Variants in FAT4 observed in about 807,000 individuals in gnomAD.
FAT4 encodes FAT atypical cadherin 4.
FAT4 carries 84 observed loss-of-function variants against 303.9 expected under a neutral mutation model. The ratio of observed to expected loss-of-function variants is 0.28; its 90% CI spans 0.23 to 0.33. FAT4 has a LOEUF of 0.33. Among genes scored for constraint, FAT4 ranks in the 10% least tolerant of loss-of-function variants. The pLI is 1.00. For synonymous variants in FAT4, 2,307 were observed against 2,298.8 expected (o/e 1.00, Z -0.10); for missense variants, 6,005 against 6,146.8 (o/e 0.98, Z 0.77).
Position 125,317,109 on chromosome 4 carries a change from A to G in FAT4, c.698A>G (p.Tyr233Cys), listed in dbSNP as rs756400976. Residue 233 changes from tyrosine to cysteine, a missense_variant, in exon 2 of 18, where the codon TAC becomes TGC. By Grantham distance (194) the Tyr-to-Cys change is radical. Coordinates refer to ENST00000394329, the MANE Select transcript of FAT4 (RefSeq NM_001291303.3). This position sits in a 1 kb window ranked among gnomAD's most constrained non-coding sequence, Gnocchi z 7.0. ...AAGGGTGAGCCTAAGCGGCGGGGCT[A>G]CCTTCAGGTAAACGTGACTGTGCAA... ...EDKGEPKRRG[Y>C]LQVNVTVQDI... 6.2e-7 allele frequency: 1 copy of G among 1,613,780 alleles called. No individual in the cohort carries two copies. Among genetic ancestry groups the G allele is most frequent in the Non-Finnish European group, 8.5e-7 (1 of 1,180,028 alleles).
chr4:125,408,406 T>C, intron 4 of FAT4, 38 bp from the exon 5 acceptor site: 1 of 1,348,256 alleles, frequency 7.4e-7, no homozygotes, highest in Non-Finnish European at 1.0e-6. Context: ...TACTTCTTAC[T>C]TCCTTGATTT....
rs932202974 is a variant in FAT4, at chr4:125,315,652, G to GGGCGGC, written c.-325_-320dup. ...GACCACGGGCTTGAAGCCGCAACAG[G>GGGCGGC]GGCGGCGGCGGCGGCGGCTGCAGGA... On this transcript the variant is annotated 5_prime_UTR_variant, in exon 1 of 18. Transcript: ENST00000394329. 1.3e-5 allele frequency among the ~76,000 whole-genome samples: 2 copies of GGGCGGC among 152,146 alleles called. No homozygotes were observed. The highest frequency in any genetic ancestry group is 2.9e-5 in the Non-Finnish European group (2 of 68,026).
Position 125,446,398 on chromosome 4 carries a change from G to T in FAT4, c.7305G>T (p.Leu2435Phe), listed in dbSNP as rs770661467. 8 of 1,613,478 alleles carry T rather than the reference G, an allele frequency of 5.0e-6. 1 individual carries two copies. The South Asian group carries it at 8.8e-5, about 18-fold the overall frequency. ...GGGAAACAAAAGATAATTATACTTT[G>T]GTAGTGGTCTGCAGTGATGCGGGAT... ...LDRETKDNYT[L>F]VVVCSDAGSP... is the part of the protein sequence containing the mutation. The change falls in exon 9 of 18, where the codon TTG becomes TTT. Residue 2435 changes from leucine (L) to phenylalanine (F), a missense_variant. Physicochemically the swap from Leu to Phe is conservative, Grantham distance 22. Transcript: ENST00000394329.
At position 125,449,555 on chromosome 4, in the gene FAT4, G is replaced by A. The variant is rs181821271; in HGVS notation, c.8545G>A (p.Ala2849Thr). Residue 2849 changes from alanine (A) to threonine (T), a missense_variant, in exon 10 of 18, where the codon GCA becomes ACA. Ala to Thr is a moderately conservative substitution (Grantham distance 58, BLOSUM62 0). Transcript: ENST00000394329. ...AGACCGTTACAGAATTCGAGTTTCC[G>A]CACATGATTCTGGGTGGACTGTAAG... ...DTDRYRIRVS[A>T]HDSGWTVSTD... 10 of 1,613,200 alleles carry A rather than the reference G, an allele frequency of 6.2e-6. No individual in the cohort carries two copies. Among genetic ancestry groups the A allele is most frequent in the South Asian group, 4.4e-5 (4 of 91,036 alleles).
At position 125,452,491 on chromosome 4, in the gene FAT4, C is replaced by G; in HGVS notation, c.11481C>G (p.Ser3827=). 1 of 1,613,886 alleles carries G rather than the reference C, an allele frequency of 6.2e-7. No individual in the cohort carries two copies. Among genetic ancestry groups the G allele is most frequent in the Non-Finnish European group, 8.5e-7 (1 of 1,180,030 alleles). Residue 3827 remains serine (S), a synonymous_variant, in exon 10 of 18, where the codon TCC becomes TCG. Coordinates refer to ENST00000394329, the MANE Select transcript of FAT4 (RefSeq NM_001291303.3). The part of the protein sequence containing the change: ...GSCLRRLAVS[S]VLKSRESLPV... ...GTCTACGAAGATTGGCTGTGAGCTC[C>G]GTATTAAAAAGCCGTGAGAGTCTTC...
chr4:125,318,050 C>T lies in FAT4; in HGVS notation c.1639C>T (p.Gln547Ter). ...GGGCCTGGACCGTGAACTTGCTTCC[C>T]AGATTGTTCTGAATATAAGTGCCCG... ...SGGLDRELAS[Q>*]IVLNISARDQ... is the part of the protein sequence containing the mutation. The change falls in exon 2 of 18, where the codon CAG becomes TAG. Residue 547 changes from glutamine to a stop codon, truncating the protein, a stop_gained. Transcript: ENST00000394329. LOFTEE classifies it high-confidence loss of function. 6.2e-7 allele frequency: 1 copy of T among 1,614,148 alleles called. No individual in the cohort carries two copies. Among genetic ancestry groups the T allele is most frequent in the Non-Finnish European group, 8.5e-7 (1 of 1,180,030 alleles).
intron 8 of FAT4, among the ~76,000 whole-genome samples, chr4:125,442,821 C>T (rs956266277): frequency 1.3e-4 from 19 of 151,956 alleles, no homozygotes; most frequent in Admixed American, 2.0e-4. Context: ...TAGACTATTA[C>T]GTTATACATA....
chr4:125,392,209 C>T (rs1734000090), intron 2 of FAT4, among the ~76,000 whole-genome samples: 1 of 152,046 alleles, frequency 6.6e-6, no homozygotes, highest in Non-Finnish European at 1.5e-5. Context: ...ATCTTAATAT[C>T]TTTAGAGATA....
At chr4:125,381,947 C>A in intron 2 of FAT4, among the ~76,000 whole-genome samples, 1 of 152,200 alleles carries the variant, frequency 6.6e-6, no homozygotes, top group East Asian at 1.9e-4. Context: ...ACTTTCTTTG[C>A]TAATCCATAA....
At position 125,491,468 on chromosome 4, in the gene FAT4, T is replaced by A; in HGVS notation, c.14652T>A (p.Asp4884Glu). The change falls in exon 18 of 18, where the codon GAT (aspartate) becomes GAA (glutamate). Residue 4884 changes from aspartate (D) to glutamate (E), a missense_variant. Coordinates refer to ENST00000394329, the MANE Select transcript of FAT4 (RefSeq NM_001291303.3). ...QVNESDADDE[D>E]NYGARLKPRR... ...ATGAATCTGATGCAGATGATGAAGA[T>A]AATTATGGAGCCAGACTGAAGCCTC... The A allele has an allele frequency of 6.2e-7, 1 of 1,614,140 alleles. No individual in the cohort carries two copies. Among genetic ancestry groups the A allele is most frequent in the Non-Finnish European group, 8.5e-7 (1 of 1,180,030 alleles).
chr4:125,330,596 G>C (rs190832129), intron 2 of FAT4, among the ~76,000 whole-genome samples: 23 of 152,264 alleles, frequency 1.5e-4, no homozygotes, highest in African/African-American at 5.5e-4. Context: ...TAATTTCTAC[G>C]AGGGCAGATA....
chr4:125,434,112 T>C, intron 7 of FAT4, 133 bp from the exon 8 acceptor site: 1 of 705,352 alleles, frequency 1.4e-6, no homozygotes, highest in Non-Finnish European at 2.3e-6. Context: ...AATCACTCAA[T>C]CACTTATGTG....
chr4:125,485,807 C>T (rs756929546), intron 16 of FAT4, among the ~76,000 whole-genome samples: 3 of 152,232 alleles, frequency 2.0e-5, no homozygotes, highest in African/African-American at 7.2e-5. Context: ...CCTGTATCCC[C>T]GCAATGAGTA....
Position 125,451,748 on chromosome 4 carries a change from G to A in FAT4, c.10738G>A (p.Ala3580Thr). 1 of 1,614,176 alleles carries A rather than the reference G, an allele frequency of 6.2e-7. No individual in the cohort carries two copies. Among genetic ancestry groups the A allele is most frequent in the Non-Finnish European group, 8.5e-7 (1 of 1,180,030 alleles). Residue 3580 changes from alanine to threonine, a missense_variant, in exon 10 of 18, where the codon GCA (alanine) becomes ACA (threonine). Coordinates refer to ENST00000394329, the MANE Select transcript of FAT4 (RefSeq NM_001291303.3). ...TTREIDREQI[A>T]DFYLSVVTKD... ...CAGAGAGATTGACAGAGAGCAGATT[G>A]CAGACTTCTATCTGTCTGTGGTTAC...
Position 125,445,432 on chromosome 4 carries a change from G to T in FAT4, c.7200-861G>T, listed in dbSNP as rs977186778. ...AAACATGCAGCCAACTCCAACAAGG[G>T]TATCTATTTGTTGGTATAAAAGAAG... is the stretch of plus-strand genomic sequence containing the variant. On this transcript the variant is annotated intron_variant, in intron 8 of 17. Coordinates refer to ENST00000394329, the MANE Select transcript of FAT4 (RefSeq NM_001291303.3). Among the ~76,000 whole-genome samples, 37 of 152,078 alleles carry T rather than the reference G, an allele frequency of 2.4e-4. No homozygotes were observed. The Middle Eastern group carries it at 0.014, about 56-fold the overall frequency.
rs1230221758 is a variant in FAT4, at chr4:125,356,542, G to GT, written c.5175+34962dup. Among the ~76,000 whole-genome samples, 249 of 98,376 alleles carry GT rather than the reference G, an allele frequency of 2.5e-3. 2 individuals are homozygous for GT. Among genetic ancestry groups the GT allele is most frequent in the African/African-American group, 8.2e-3 (223 of 27,200 alleles). The allele number at this position is 98,376 out of a possible 152,430, so 64.5% of individuals were successfully genotyped here. A position where few individuals can be genotyped will look rare whatever the true frequency, so the allele number is the denominator to read the frequency against. ...TAAATTTGTAGATATAGGGTGTTTTGTTTTTTGTTTTTTTTTTTTTTTTGC... is the reference window on the plus strand; with the variant it reads ...TAAATTTGTAGATATAGGGTGTTTTGTTTTTTTGTTTTTTTTTTTTTTTTGC... On this transcript the variant is annotated intron_variant, in intron 2 of 17. Transcript: ENST00000394329.
intron 5 of FAT4, among the ~76,000 whole-genome samples, chr4:125,408,998 C>T (rs1230914760): frequency 6.6e-6 from 1 of 152,050 alleles, no homozygotes; most frequent in Non-Finnish European, 1.5e-5. Flanking sequence ...TAACAGAAAA[C>T]ATACCTTGTA....
chr4:125,407,719 C>A (rs2126020397), intron 4 of FAT4, among the ~76,000 whole-genome samples: 1 of 152,192 alleles, frequency 6.6e-6, no homozygotes, highest in South Asian at 2.1e-4. Flanking sequence ...TAATTATAAT[C>A]TTGCTTCTTT....
rs755334520 is a variant in FAT4 at position 125,406,900 on chromosome 4, A to G, written c.5328A>G (p.Thr1776=). 5 of 1,613,824 alleles carry G rather than the reference A, an allele frequency of 3.1e-6. No homozygotes were observed. In the South Asian group the frequency reaches 3.3e-5, roughly 11 times the overall value. ...TTTAGGGTGCAAATGCTCTCGTCAC[A>G]TACACTATCATTAGTGGAGCTGATG... ...DADEGANALV[T]YTIISGADDS... The change falls in exon 4 of 18, where the codon ACA becomes ACG. Residue 1776 remains threonine, a synonymous_variant. Transcript: ENST00000394329.
Sources: gnomAD v4.1 joint callset for allele counts (sites outside exome capture counted in the v4.1 genomes callset) on GRCh38, gnomAD v4.1.1 for gene constraint, Gnocchi (gnomAD v3.1) non-coding constraint, MANE v1.5 for transcripts, NCBI Gene and HGNC (gene_info 2026-07-23, HGNC 2026-07-21) for gene names.